ZMYM6: variants seen among roughly 807,000 people sequenced by gnomAD.
ZMYM6 encodes the protein zinc finger MYM-type protein 6.
Under a neutral mutation model 134.0 loss-of-function variants are expected in ZMYM6, and 90 were observed. The ratio of observed to expected loss-of-function variants is 0.67; its 90% CI spans 0.57 to 0.80. ZMYM6 has a LOEUF of 0.80. ZMYM6 is among the 30% of genes least tolerant of loss of function. The pLI, the probability that ZMYM6 is intolerant of heterozygous loss-of-function variation, is 0.00. For synonymous variants in ZMYM6, 481 were observed against 524.1 expected (o/e 0.92, Z 1.12); for missense variants, 1,362 against 1,533.9 (o/e 0.89, Z 1.87).
At chr1:35,031,071 AG>A (rs780015982) in intron 1 of ZMYM6, among the ~76,000 whole-genome samples, 5 of 152,236 alleles carry the variant, frequency 3.3e-5, no homozygotes, top group Non-Finnish European at 5.9e-5. Context: ...CATAAGAATC[AG>A]TACTTAGAGG....
intron 11 of ZMYM6, 89 bp from the exon 12 acceptor site, chr1:35,007,187 A>C: frequency 7.6e-7 from 1 of 1,314,312 alleles, no homozygotes; most frequent in Admixed American, 2.6e-5. Context: ...CTACGAAAAC[A>C]GGATATATGA....
In ZMYM6 at chr1:34,987,303, G is replaced by T; in HGVS notation, c.3779C>A (p.Ala1260Glu). 6.2e-7 allele frequency: 1 copy of T among 1,612,028 alleles called. No homozygotes were observed. The highest frequency in any genetic ancestry group is 8.5e-7 in the Non-Finnish European group (1 of 1,179,060). ...SVSVTQFWINAKTSYPELHER... is the reference protein window; with the variant it reads ...SVSVTQFWINEKTSYPELHER... ...ATGGAGTTCTGGGTAACTTGTCTTT[G>T]CATTTATCCAAAACTGAGTTACAGA... Residue 1260 changes from alanine to glutamate, a missense_variant, in exon 16 of 16, where the codon GCA becomes GAA. This residue lies in a region of ZMYM6 where 824 missense variants were observed against 940.9 expected (regional missense o/e 0.88). Transcript: ENST00000357182.
chr1:35,021,039 T>C (rs1426028759), intron 2 of ZMYM6, among the ~76,000 whole-genome samples: 1 of 151,994 alleles, frequency 6.6e-6, no homozygotes, highest in Non-Finnish European at 1.5e-5. Flanking sequence ...ATGGGAGTAA[T>C]ACATAGCTAT....
chr1:35,024,760 T>C (rs1184650305), intron 2 of ZMYM6, among the ~76,000 whole-genome samples: 1 of 152,224 alleles, frequency 6.6e-6, no homozygotes, highest in African/African-American at 2.4e-5. Context: ...ATACAATTGC[T>C]ACCTGCTATG....
chr1:35,007,849 G>A (rs185439606), intron 11 of ZMYM6, among the ~76,000 whole-genome samples: 127 of 151,590 alleles, frequency 8.4e-4, no homozygotes, highest in Non-Finnish European at 2.7e-4. Flanking sequence ...GTGGGATGGG[G>A]GAAGAAAAGA....
At position 35,020,430 on chromosome 1, in the gene ZMYM6, C is replaced by T. The variant is rs1021457494; in HGVS notation, c.131G>A (p.Ser44Asn). 2.5e-6 allele frequency: 4 copies of T among 1,611,398 alleles called. No individual in the cohort carries two copies. Among genetic ancestry groups the T allele is most frequent in the South Asian group, 2.2e-5 (2 of 90,950 alleles). Residue 44 changes from serine (S) to asparagine (N), a missense_variant, in exon 3 of 16, where the codon AGT (serine) becomes AAT (asparagine). Physicochemically the swap from Ser to Asn is conservative, Grantham distance 46. Transcript: ENST00000357182. ...AGACACACCACCAATTTTCAATTTACTTTCTTGAGTTTTTGGCTGTTGGAC... is the reference window on the plus strand; with the variant it reads ...AGACACACCACCAATTTTCAATTTATTTTCTTGAGTTTTTGGCTGTTGGAC... ...GCVQQPKTQE[S>N]KLKIGGVSSV...
chr1:35,020,588 T>TC, intron 2 of ZMYM6, 121 bp from the exon 3 acceptor site: 2 of 804,370 alleles, frequency 2.5e-6, no homozygotes, highest in African/African-American at 1.8e-5. Flanking sequence ...TTTTTTTTTT[T>TC]TTGAGATGGA....
Position 35,011,007 on chromosome 1 carries a change from G to A in ZMYM6, c.1092C>T (p.Asn364=), listed in dbSNP as rs1641075115. The change falls in exon 9 of 16, where the codon AAC becomes AAT. Residue 364 remains asparagine (N), a synonymous_variant. Coordinates refer to ENST00000357182, the MANE Select transcript of ZMYM6 (RefSeq NM_007167.4). ...QNVFSKPKGT[N]SSAVPLSQGQ... Reference sequence around the variant, plus strand: ...CCTGAGACAGGGGCACCGCCGAAGAGTTTGTTCCTTTTGGCTTGCTAAATA... The same window carrying A: ...CCTGAGACAGGGGCACCGCCGAAGAATTTGTTCCTTTTGGCTTGCTAAATA... 1 of 1,613,684 alleles carries A rather than the reference G, an allele frequency of 6.2e-7. No individual in the cohort carries two copies. Among genetic ancestry groups the A allele is most frequent in the East Asian group, 2.2e-5 (1 of 44,874 alleles).
chr1:34,997,370 C>G (rs1640802203), intron 14 of ZMYM6, among the ~76,000 whole-genome samples: 1 of 152,174 alleles, frequency 6.6e-6, no homozygotes, highest in Non-Finnish European at 1.5e-5. Context: ...GTGGCGTGAT[C>G]TCGGCTCACT....
chr1:34,990,251 C>T (rs1278088948), intron 15 of ZMYM6: 1 of 258,022 alleles, frequency 3.9e-6, no homozygotes, highest in South Asian at 3.5e-5. Flanking sequence ...GAGGCTGAGG[C>T]GGGCACATCA....
intron 2 of ZMYM6, among the ~76,000 whole-genome samples, chr1:35,025,256 G>T (rs992314443): frequency 6.6e-6 from 1 of 151,482 alleles, no homozygotes; most frequent in Non-Finnish European, 1.5e-5. Flanking sequence ...GGCCGAGGCA[G>T]GTAGAGTTCG....
chr1:35,021,910 A>G (rs892791436), intron 2 of ZMYM6, among the ~76,000 whole-genome samples: 3 of 152,204 alleles, frequency 2.0e-5, no homozygotes, highest in Non-Finnish European at 4.4e-5. Context: ...ATGTTAAAAT[A>G]CCCTTACATA....
intron 14 of ZMYM6, among the ~76,000 whole-genome samples, chr1:34,999,357 T>C (rs944573159): frequency 2.6e-5 from 4 of 151,902 alleles, no homozygotes; most frequent in Non-Finnish European, 5.9e-5. Flanking sequence ...TAAGGAGAGA[T>C]TACAGATAAG....
At chr1:35,013,683 T>G (rs1355384947) in intron 6 of ZMYM6, 2 of 957,626 alleles carry the variant, frequency 2.1e-6, no homozygotes, top group Non-Finnish European at 2.5e-6. Flanking sequence ...ACATCTTTGT[T>G]TTTTTTTTTT....
chr1:35,000,658 A>C (rs1174907356), intron 14 of ZMYM6, among the ~76,000 whole-genome samples: 1 of 152,152 alleles, frequency 6.6e-6, no homozygotes, highest in Non-Finnish European at 1.5e-5. Flanking sequence ...AATGTACCAA[A>C]CCTACTCAGT....
Position 34,987,440 on chromosome 1 carries a change from C to G in ZMYM6, c.3642G>C (p.Trp1214Cys). ...PEQDLRSGNL[W>C]IIHPFMNHQN... ...GGTGATTCATAAAAGGGTGAATTAT[C>G]CACAAATTTCCTGAACGCAAGTCTT... Residue 1214 changes from tryptophan (W) to cysteine (C), a missense_variant, in exon 16 of 16, where the codon TGG (tryptophan) becomes TGC (cysteine). Coordinates refer to ENST00000357182, the MANE Select transcript of ZMYM6 (RefSeq NM_007167.4). 6.2e-7 allele frequency: 1 copy of G among 1,613,866 alleles called. No homozygotes were observed. Among genetic ancestry groups the G allele is most frequent in the Non-Finnish European group, 8.5e-7 (1 of 1,179,964 alleles).
intron 14 of ZMYM6, among the ~76,000 whole-genome samples, chr1:34,999,130 A>C (rs1232906412): frequency 6.6e-6 from 1 of 152,170 alleles, no homozygotes. Flanking sequence ...AAACCACAGG[A>C]CTGCATGAAT....
At chr1:35,022,154 A>G (rs527457998) in intron 2 of ZMYM6, among the ~76,000 whole-genome samples, 18 of 152,366 alleles carry the variant, frequency 1.2e-4, no homozygotes, top group African/African-American at 3.8e-4. Context: ...GGTGCTCTCT[A>G]TAAGATATGC....
At chr1:35,025,086 G>A (rs1008033982) in intron 2 of ZMYM6, among the ~76,000 whole-genome samples, 1 of 152,004 alleles carries the variant, frequency 6.6e-6, no homozygotes, top group South Asian at 2.1e-4. Flanking sequence ...GGCCAGGCTG[G>A]TCTTGAACTC....
Sources: gnomAD v4.1 joint callset for allele counts (sites outside exome capture counted in the v4.1 genomes callset) on GRCh38, gnomAD v4.1.1 for gene constraint, gnomAD v4.1.1 regional missense constraint, MANE v1.5 for transcripts, NCBI Gene and HGNC (gene_info 2026-07-23, HGNC 2026-07-21) for gene names.